KCNJ3: variants seen among roughly 807,000 people sequenced by gnomAD.
The protein encoded by KCNJ3 is G protein-activated inward rectifier potassium channel 1.
A neutral mutation model predicts 39.2 loss-of-function variants in KCNJ3; 4 were observed. The ratio of observed to expected loss-of-function variants is 0.10; its 90% CI spans 0.05 to 0.23. KCNJ3 has a LOEUF of 0.23. Among genes scored for constraint, KCNJ3 ranks in the 10% least tolerant of loss-of-function variants. The probability of loss-of-function intolerance (pLI) is 1.00; values close to 1 mark genes in which losing one functional copy is unlikely to be tolerated. For missense variants in KCNJ3, 276 were observed against 634.9 expected (o/e 0.43, Z 6.08); for synonymous variants, 230 against 237.4 (o/e 0.97, Z 0.29).
At chr2:154,838,559 T>C (rs561054172) in intron 2 of KCNJ3, among the ~76,000 whole-genome samples, 21 of 152,226 alleles carry the variant, frequency 1.4e-4, no homozygotes, top group Non-Finnish European at 2.9e-4. Context: ...TTACTGTGTG[T>C]GTGGTTATTG....
At chr2:154,832,834 A>ATT (rs1687386669) in intron 2 of KCNJ3, among the ~76,000 whole-genome samples, 1 of 152,182 alleles carries the variant, frequency 6.6e-6, no homozygotes, top group African/African-American at 2.4e-5. Flanking sequence ...AAATCTACGT[A>ATT]TTTCTTGCCT....
intron 2 of KCNJ3, among the ~76,000 whole-genome samples, chr2:154,774,916 T>TATTTG: frequency 6.6e-6 from 1 of 151,578 alleles, no homozygotes; most frequent in East Asian, 1.9e-4. Flanking sequence ...TTGTTGTTTT[T>TATTTG]GTTTGGTTTG....
chr2:154,835,019 T>A (rs897706646), intron 2 of KCNJ3, among the ~76,000 whole-genome samples: 8 of 151,720 alleles, frequency 5.3e-5, no homozygotes, highest in South Asian at 2.1e-4. Context: ...TTTTTTTTTT[T>A]AAATATCATT....
chr2:154,819,665 G>A (rs1687137751), intron 2 of KCNJ3, among the ~76,000 whole-genome samples: 1 of 151,954 alleles, frequency 6.6e-6, no homozygotes, highest in African/African-American at 2.4e-5. Context: ...TGAGTAGCTG[G>A]GACTACAGGT....
intron 2 of KCNJ3, among the ~76,000 whole-genome samples, chr2:154,814,977 A>G (rs1435185072): frequency 1.3e-5 from 2 of 152,332 alleles, no homozygotes; most frequent in Admixed American, 6.5e-5. Context: ...AAAGATTACA[A>G]CTGTAAGTAG....
intron 2 of KCNJ3, among the ~76,000 whole-genome samples, chr2:154,738,095 C>T (rs1390208412): frequency 1.3e-5 from 2 of 152,060 alleles, no homozygotes; most frequent in African/African-American, 4.8e-5. Context: ...AGTGCTGAAA[C>T]ATAGAATGAG....
At chr2:154,703,118 C>A (rs1222337586) in intron 1 of KCNJ3, among the ~76,000 whole-genome samples, 1 of 141,850 alleles carries the variant, frequency 7.0e-6, no homozygotes, top group Non-Finnish European at 1.5e-5. Context: ...CTTGTTAGGG[C>A]AAGAATTAAT....
At chr2:154,742,813 T>C (rs1685674720) in intron 2 of KCNJ3, among the ~76,000 whole-genome samples, 5 of 151,886 alleles carry the variant, frequency 3.3e-5, no homozygotes. Context: ...TTTTCTTTCA[T>C]TCTGTGGGTG....
chr2:154,837,274 T>C (rs1687485714), intron 2 of KCNJ3, among the ~76,000 whole-genome samples: 1 of 152,164 alleles, frequency 6.6e-6, no homozygotes, highest in African/African-American at 2.4e-5. Context: ...TGTGCAAAAT[T>C]CATGATTTAA....
chr2:154,794,599 T>C (rs1686688490), intron 2 of KCNJ3, among the ~76,000 whole-genome samples: 1 of 152,008 alleles, frequency 6.6e-6, no homozygotes, highest in African/African-American at 2.4e-5. Context: ...AAAAATTCTG[T>C]CTTTTCATTT....
intron 2 of KCNJ3, among the ~76,000 whole-genome samples, chr2:154,764,782 G>C (rs1020614868): frequency 7.0e-6 from 1 of 142,360 alleles, no homozygotes; most frequent in East Asian, 3.2e-4. Context: ...ATTCAAAGCC[G>C]TCATGGGCTG....
intron 2 of KCNJ3, among the ~76,000 whole-genome samples, chr2:154,851,226 A>C (rs1469635791): frequency 6.6e-6 from 1 of 152,138 alleles, no homozygotes; most frequent in Non-Finnish European, 1.5e-5. Flanking sequence ...TGAGTGGCAG[A>C]ACAAGAGCCC....
At chr2:154,809,727 A>G (rs1341580229) in intron 2 of KCNJ3, among the ~76,000 whole-genome samples, 1 of 152,220 alleles carries the variant, frequency 6.6e-6, no homozygotes, top group Non-Finnish European at 1.5e-5. Flanking sequence ...CATACTTTGC[A>G]AAGTGGTATC....
chr2:154,778,023 C>T (rs1036650077), intron 2 of KCNJ3, among the ~76,000 whole-genome samples: 1 of 152,122 alleles, frequency 6.6e-6, no homozygotes, highest in Non-Finnish European at 1.5e-5. Context: ...AATTTATTCT[C>T]TCCTAATTCT....
At chr2:154,726,407 G>A (rs1010407830) in intron 2 of KCNJ3, among the ~76,000 whole-genome samples, 4 of 152,002 alleles carry the variant, frequency 2.6e-5, no homozygotes, top group African/African-American at 9.7e-5. Context: ...AGACCACAAA[G>A]CAATACTACC....
chr2:154,841,897 C>A (rs2105130445), intron 2 of KCNJ3, among the ~76,000 whole-genome samples: 1 of 152,152 alleles, frequency 6.6e-6, no homozygotes, highest in Non-Finnish European at 1.5e-5. Flanking sequence ...CTCCTGGATT[C>A]ATTGATTTTT....
chr2:154,731,104 G>A (rs181933941), intron 2 of KCNJ3, among the ~76,000 whole-genome samples: 6 of 152,206 alleles, frequency 3.9e-5, no homozygotes, highest in African/African-American at 1.4e-4. Context: ...TTCAGATGAA[G>A]TGTCATCTCA....
intron 2 of KCNJ3, among the ~76,000 whole-genome samples, chr2:154,800,809 T>C (rs1360801367): frequency 6.6e-6 from 1 of 152,188 alleles, no homozygotes; most frequent in Non-Finnish European, 1.5e-5. Flanking sequence ...TATAGTACCT[T>C]TAGAGAAAGA....
Position 154,857,168 on chromosome 2 carries a change from T to C in KCNJ3, c.*1855T>C, listed in dbSNP as rs1687853061. ...ACTGTGAATGGAGCAAATTGCCCTATACCCATTGATAACCTAGCTTTCTTA... is the reference window on the plus strand; with the variant it reads ...ACTGTGAATGGAGCAAATTGCCCTACACCCATTGATAACCTAGCTTTCTTA... On this transcript the variant is annotated 3_prime_UTR_variant, in exon 3 of 3. Transcript: ENST00000295101. The C allele has an allele frequency of 6.6e-6, 1 of 152,134 alleles. No individual in the cohort carries two copies. The highest frequency in any genetic ancestry group is 6.5e-5 in the Admixed American group (1 of 15,270). 9.4% of individuals were successfully genotyped at this position (152,134 alleles called of 1,614,324 possible).
Sources: gnomAD v4.1 joint callset for allele counts (sites outside exome capture counted in the v4.1 genomes callset) on GRCh38, gnomAD v4.1.1 for gene constraint, MANE v1.5 for transcripts, NCBI Gene and HGNC (gene_info 2026-07-23, HGNC 2026-07-21) for gene names.